Variants in NEDD4L observed in about 807,000 individuals in gnomAD.
NEDD4L encodes E3 ubiquitin-protein ligase NEDD4-like.
A neutral mutation model predicts 148.9 loss-of-function variants in NEDD4L; 54 were observed. The observed-to-expected ratio is 0.36, with a 90% CI of 0.29 to 0.45. NEDD4L has a LOEUF of 0.45. Among genes scored for constraint, NEDD4L ranks in the 20% least tolerant of loss-of-function variants. The probability of loss-of-function intolerance (pLI) is 1.00; values close to 1 mark genes in which losing one functional copy is unlikely to be tolerated. For synonymous variants in NEDD4L, 433 were observed against 440.7 expected (o/e 0.98, Z 0.22); for missense variants, 856 against 1,233.8 (o/e 0.69, Z 4.59).
At chr18:58,130,526 C>T (rs1405881322) in intron 1 of NEDD4L, among the ~76,000 whole-genome samples, 24 of 99,846 alleles carry the variant, frequency 2.4e-4, no homozygotes, top group African/African-American at 8.9e-4. Flanking sequence ...GGAACTGTGG[C>T]GGTGTTGGGC....
intron 1 of NEDD4L, among the ~76,000 whole-genome samples, chr18:58,137,769 T>C (rs2033012527): frequency 6.6e-6 from 1 of 152,232 alleles, no homozygotes; most frequent in African/African-American, 2.4e-5. Context: ...ATACTGTTGG[T>C]CAGCTCCGTT....
In NEDD4L at chr18:58,120,779, C is replaced by CA. The variant is rs201690279; in HGVS notation, c.49-45001dup. Reference sequence around the variant, plus strand: ...TGGGTGACAGAGCAAGACTCCATCTCAAAAAAAAGAAAAAAAGTCCCTTTC... The same window carrying CA: ...TGGGTGACAGAGCAAGACTCCATCTCAAAAAAAAAGAAAAAAAGTCCCTTTC... On this transcript the variant is annotated intron_variant, in intron 1 of 30. Transcript: ENST00000400345. Among the ~76,000 whole-genome samples the CA allele has an allele frequency of 6.0e-3, 908 of 151,282 alleles. 3 individuals are homozygous for CA. Among genetic ancestry groups the CA allele is most frequent in the Non-Finnish European group, 0.011 (746 of 67,728 alleles).
chr18:58,243,478 G>C (rs944849078), intron 2 of NEDD4L, among the ~76,000 whole-genome samples: 13 of 152,220 alleles, frequency 8.5e-5, no homozygotes, highest in African/African-American at 3.1e-4. Flanking sequence ...GAATGTGTTA[G>C]GAATGCAGAT....
chr18:58,217,634 C>G (rs939427616), intron 2 of NEDD4L, among the ~76,000 whole-genome samples: 1 of 152,118 alleles, frequency 6.6e-6, no homozygotes, highest in African/African-American at 2.4e-5. Context: ...TGCCACCATA[C>G]CCAGCTAATC....
chr18:58,245,584 C>CTG, intron 3 of NEDD4L, 76 bp downstream of exon 3: 1 of 728,964 alleles, frequency 1.4e-6, no homozygotes, highest in Non-Finnish European at 2.3e-6. Context: ...TGCTGCTTAA[C>CTG]ACCTTTTTGG....
chr18:58,254,694 C>T (rs983245161), intron 5 of NEDD4L, among the ~76,000 whole-genome samples: 3 of 152,010 alleles, frequency 2.0e-5, no homozygotes, highest in African/African-American at 7.3e-5. Context: ...CAGCTGGGTT[C>T]ATTTTCTCTT....
rs71173032 is a variant in NEDD4L at position 58,134,769 on chromosome 18, A to ATT, written c.49-31003_49-31002dup. 9.6e-3 allele frequency among the ~76,000 whole-genome samples: 1,259 copies of ATT among 131,376 alleles called. 18 individuals are homozygous for ATT. Among genetic ancestry groups the ATT allele is most frequent in the African/African-American group, 0.034 (1,193 of 35,292 alleles). 86.2% of individuals were successfully genotyped at this position (131,376 alleles called of 152,430 possible). Reference sequence around the variant, plus strand: ...TTTCTTTTGTCTTCAAGCAATTTTCATTTTTTTTTTTTTTTTTGATATTCA... The same window carrying ATT: ...TTTCTTTTGTCTTCAAGCAATTTTCATTTTTTTTTTTTTTTTTTTGATATTCA... On this transcript the variant is annotated intron_variant, in intron 1 of 30. Coordinates refer to ENST00000400345, the MANE Select transcript of NEDD4L (RefSeq NM_001144967.3).
chr18:58,346,575 C>A (rs1398335961), intron 16 of NEDD4L, among the ~76,000 whole-genome samples: 1 of 152,146 alleles, frequency 6.6e-6, no homozygotes, highest in Non-Finnish European at 1.5e-5. Flanking sequence ...CTGGTCTCTT[C>A]CAGGATGGAA....
intron 2 of NEDD4L, among the ~76,000 whole-genome samples, chr18:58,219,989 C>T (rs2043565227): frequency 6.6e-6 from 1 of 152,138 alleles, no homozygotes. Context: ...AACATTGTAG[C>T]TTAATTTGAT....
chr18:58,103,694 C>A (rs1384495850), intron 1 of NEDD4L, among the ~76,000 whole-genome samples: 2 of 152,094 alleles, frequency 1.3e-5, no homozygotes, highest in Admixed American at 1.3e-4. Context: ...AAAAGTGCAG[C>A]AAAGAAGCTG....
intron 5 of NEDD4L, among the ~76,000 whole-genome samples, chr18:58,286,275 G>A (rs918256550): frequency 2.0e-5 from 3 of 152,178 alleles, no homozygotes; most frequent in African/African-American, 7.2e-5. Flanking sequence ...TAGAATATAA[G>A]TAGATGCCAC....
chr18:58,124,503 ACT>A (rs2030663254), intron 1 of NEDD4L, among the ~76,000 whole-genome samples: 1 of 151,330 alleles, frequency 6.6e-6, no homozygotes, highest in Non-Finnish European at 1.5e-5. Context: ...ACCTTCCAAC[ACT>A]CTCTGTAAGT....
In NEDD4L at chr18:58,109,480, C is replaced by G. The variant is rs182162230; in HGVS notation, c.49-56308C>G. Among the ~76,000 whole-genome samples, 10 of 152,026 alleles carry G rather than the reference C, an allele frequency of 6.6e-5. No homozygotes were observed. The East Asian group carries it at 1.9e-3, about 29-fold the overall frequency. On this transcript the variant is annotated intron_variant, in intron 1 of 30. Transcript: ENST00000400345. ...GGTTGGAAAATAGCAGCTCAGGAAT[C>G]CATTTGCTGTGGGGGTGGTAAGTGG... is the stretch of plus-strand genomic sequence containing the variant.
At chr18:58,201,654 G>A (rs4941366) in intron 2 of NEDD4L, among the ~76,000 whole-genome samples, 1 of 151,998 alleles carries the variant, frequency 6.6e-6, no homozygotes, top group Non-Finnish European at 1.5e-5. Context: ...TATTACGTTC[G>A]TGTATTAAGG....
chr18:58,158,365 C>T (rs1329161512), intron 1 of NEDD4L, among the ~76,000 whole-genome samples: 2 of 152,212 alleles, frequency 1.3e-5, no homozygotes, highest in African/African-American at 4.8e-5. Context: ...GTCACTAAAT[C>T]AGATACCCAT....
chr18:58,291,230 T>G lies in NEDD4L; in HGVS notation c.298-24752T>G, dbSNP rs543022331. ...GAACCAGGCCGACCGACCCACATGG[T>G]CACACAGAAAACCGGGCTGACTGAA... is the stretch of plus-strand genomic sequence containing the variant. On this transcript the variant is annotated intron_variant, in intron 5 of 30. Coordinates refer to ENST00000400345, the MANE Select transcript of NEDD4L (RefSeq NM_001144967.3). 2.0e-5 allele frequency among the ~76,000 whole-genome samples: 3 copies of G among 152,294 alleles called. No individual in the cohort carries two copies. The East Asian group carries it at 5.8e-4, about 29-fold the overall frequency.
At chr18:58,084,671 T>TTG (rs55916532) in intron 1 of NEDD4L, among the ~76,000 whole-genome samples, 2,703 of 133,772 alleles carry the variant, frequency 0.02, 47 homozygotes, top group African/African-American at 0.046. Context: ...TGTGGGGTTT[T>TTG]TGTGTGTGTG....
intron 6 of NEDD4L, among the ~76,000 whole-genome samples, chr18:58,321,998 T>G (rs2058821224): frequency 6.6e-6 from 1 of 152,198 alleles, no homozygotes; most frequent in South Asian, 2.1e-4. Context: ...GTTGTGAGAT[T>G]TTAATACAAA....
At chr18:58,351,561 G>C (rs1448759397) in intron 18 of NEDD4L, among the ~76,000 whole-genome samples, 1 of 152,238 alleles carries the variant, frequency 6.6e-6, no homozygotes, top group East Asian at 1.9e-4. Context: ...TAGTATATTT[G>C]CTATAGACAT....
Sources: allele counts gnomAD v4.1 joint callset (sites outside exome capture counted in the v4.1 genomes callset), GRCh38; gene constraint gnomAD v4.1.1; transcripts MANE v1.5; gene names NCBI Gene and HGNC (gene_info 2026-07-23, HGNC 2026-07-21).